KMT2C: variants seen among roughly 807,000 people sequenced by gnomAD.
KMT2C encodes the protein lysine methyltransferase 2C.
In KMT2C, 88 loss-of-function variants were observed where a neutral mutation model predicts 507.9. The ratio of observed to expected loss-of-function variants is 0.17; its 90% confidence interval spans 0.15 to 0.21. The LOEUF is 0.21. KMT2C is among the 10% of genes least tolerant of loss of function. The probability of loss-of-function intolerance (pLI) is 1.00; values close to 1 mark genes in which losing one functional copy is unlikely to be tolerated. For synonymous variants in KMT2C, 2,049 were observed against 2,080.8 expected (o/e 0.98, Z 0.42); for missense variants, 4,954 against 5,957.8 (o/e 0.83, Z 5.55).
At chr7:152,327,013 G>A (rs2096835215) in intron 3 of KMT2C, among the ~76,000 whole-genome samples, 1 of 152,224 alleles carries the variant, frequency 6.6e-6, no homozygotes, top group Admixed American at 6.5e-5. Flanking sequence ...CACCAAGTCT[G>A]TATTTACAGT....
rs1156520106 is a variant in KMT2C at position 152,407,059 on chromosome 7, C to T, written c.161+28567G>A. Among the ~76,000 whole-genome samples the T allele has an allele frequency of 1.2e-4, 18 of 150,216 alleles. No homozygotes were observed. In the East Asian group the frequency reaches 1.4e-3, roughly 12 times the overall value. ...ATTTACTTCTCCAAAGTACAAATTACATCACAAGTAAGCCTCCATGCAATG... is the reference window on the plus strand; with the variant it reads ...ATTTACTTCTCCAAAGTACAAATTATATCACAAGTAAGCCTCCATGCAATG... On this transcript the variant is annotated intron_variant, in intron 1 of 58. Transcript: ENST00000262189.
intron 1 of KMT2C, among the ~76,000 whole-genome samples, chr7:152,388,914 A>C (rs989382330): frequency 6.6e-6 from 1 of 152,164 alleles, no homozygotes; most frequent in Non-Finnish European, 1.5e-5. Flanking sequence ...ATGCACAGCT[A>C]ATTTTGTATT....
chr7:152,184,116 A>G (rs1331860825), intron 34 of KMT2C, among the ~76,000 whole-genome samples: 2 of 148,498 alleles, frequency 1.3e-5, no homozygotes, highest in African/African-American at 4.9e-5. Context: ...AAAATATCCA[A>G]TCAGTCTTAA....
intron 6 of KMT2C, among the ~76,000 whole-genome samples, chr7:152,293,639 C>A (rs956110749): frequency 2.0e-5 from 3 of 152,110 alleles, no homozygotes; most frequent in African/African-American, 7.2e-5. Context: ...TACCACCCAC[C>A]TCATCACAAA....
intron 33 of KMT2C, among the ~76,000 whole-genome samples, 191 bp from the exon 34 acceptor site, chr7:152,185,822 A>T (rs1377760369): frequency 2.0e-4 from 31 of 152,234 alleles, no homozygotes; most frequent in Admixed American, 1.9e-3. Flanking sequence ...ACGTTTTCTA[A>T]ATGAAGTGCT....
chr7:152,417,935 C>T (rs567195182), intron 1 of KMT2C, among the ~76,000 whole-genome samples: 2 of 133,088 alleles, frequency 1.5e-5, no homozygotes, highest in Admixed American at 7.8e-5. Flanking sequence ...AGCCACCGCG[C>T]CCACCCTCTT....
At chr7:152,146,826 T>A in intron 52 of KMT2C, 91 bp from the exon 53 acceptor site, 1 of 1,127,268 alleles carries the variant, frequency 8.9e-7, no homozygotes. Flanking sequence ...CACAAGGATT[T>A]ACTAATTTCC....
chr7:152,207,513 T>G lies in KMT2C; in HGVS notation c.3713-85A>C, dbSNP rs572145429. ...CATAATGGGGAATAAAAAGTAGGGTTGTTGCTGAGCCATTTTAATTGTACA... is the reference window on the plus strand; with the variant it reads ...CATAATGGGGAATAAAAAGTAGGGTGGTTGCTGAGCCATTTTAATTGTACA... On this transcript the variant is annotated intron_variant, in intron 23 of 58. Transcript: ENST00000262189. The G allele has an allele frequency of 1.1e-5, 14 of 1,244,012 alleles. No homozygotes were observed. In the African/African-American group the frequency reaches 1.4e-4, roughly 12 times the overall value. The allele number at this position is 1,244,012 out of a possible 1,614,324, so 77.1% of individuals were successfully genotyped here.
intron 2 of KMT2C, among the ~76,000 whole-genome samples, chr7:152,344,725 C>T (rs906622292): frequency 7.9e-5 from 12 of 151,892 alleles, no homozygotes; most frequent in African/African-American, 2.9e-4. Context: ...TGGTGGCTCA[C>T]GCCTGTAATC....
At chr7:152,175,778 C>T (rs1003359999) in intron 38 of KMT2C, among the ~76,000 whole-genome samples, 8 of 152,160 alleles carry the variant, frequency 5.3e-5, no homozygotes, top group Admixed American at 1.3e-4. Flanking sequence ...GGGTGGCTCA[C>T]GCCTGTAATC....
intron 1 of KMT2C, among the ~76,000 whole-genome samples, chr7:152,391,519 G>A (rs769121858): frequency 2.9e-4 from 43 of 146,454 alleles, no homozygotes; most frequent in Non-Finnish European, 1.3e-4. Flanking sequence ...TGGGATTACA[G>A]ACATGAGCCA....
At chr7:152,335,444 C>A (rs1297748402) in intron 2 of KMT2C, among the ~76,000 whole-genome samples, 1 of 152,124 alleles carries the variant, frequency 6.6e-6, no homozygotes, top group Non-Finnish European at 1.5e-5. Context: ...CAGAAACTTA[C>A]CAACAATGAG....
intron 26 of KMT2C, among the ~76,000 whole-genome samples, chr7:152,202,155 A>T (rs955533022): frequency 6.6e-6 from 1 of 152,242 alleles, no homozygotes. Flanking sequence ...TCAGATGAAT[A>T]GTTGTCTACA....
intron 6 of KMT2C, among the ~76,000 whole-genome samples, chr7:152,297,059 G>GACAGAAAGAA (rs1563767704): frequency 1.4e-4 from 9 of 64,394 alleles, no homozygotes; most frequent in African/African-American, 5.2e-4. Flanking sequence ...GAAAGACAGA[G>GACAGAAAGAA]AGAGAGAGAG....
intron 6 of KMT2C, among the ~76,000 whole-genome samples, chr7:152,274,839 G>A (rs1048266112): frequency 1.3e-4 from 20 of 152,074 alleles, no homozygotes; most frequent in African/African-American, 4.6e-4. Flanking sequence ...TTCAATTGAG[G>A]CACCATACTA....
intron 42 of KMT2C, among the ~76,000 whole-genome samples, chr7:152,166,023 C>T (rs963832405): frequency 6.6e-6 from 1 of 151,974 alleles, no homozygotes; most frequent in African/African-American, 2.4e-5. Context: ...TACAATGAAT[C>T]AGTTTGTAAA....
intron 1 of KMT2C, among the ~76,000 whole-genome samples, chr7:152,364,934 G>C (rs73730051): frequency 0.014 from 1,956 of 138,120 alleles, 40 homozygotes; most frequent in African/African-American, 0.05. Context: ...GAAACAGACA[G>C]ACACACACAC....
intron 2 of KMT2C, among the ~76,000 whole-genome samples, chr7:152,336,480 G>C (rs2096937107): frequency 6.6e-6 from 1 of 152,252 alleles, no homozygotes; most frequent in South Asian, 2.1e-4. Flanking sequence ...GAGATGCTCT[G>C]GATGAAATGG....
At position 152,263,902 on chromosome 7, in the gene KMT2C, C is replaced by T. The variant is rs2360886; in HGVS notation, c.1185-772G>A. Among the ~76,000 whole-genome samples the T allele has an allele frequency of 6.8e-3, 1,039 of 152,102 alleles. 12 individuals carry two copies. The highest frequency in any genetic ancestry group is 0.035 in the South Asian group (167 of 4,814). On this transcript the variant is annotated intron_variant, in intron 8 of 58. Transcript: ENST00000262189. Reference sequence around the variant, plus strand: ...AAATTCAAGAGGAGGGGAAAAGAAACAACAGGGAAAGCAAGAAGAGCTGAG... The same window carrying T: ...AAATTCAAGAGGAGGGGAAAAGAAATAACAGGGAAAGCAAGAAGAGCTGAG...
Sources: allele counts gnomAD v4.1 joint callset (sites outside exome capture counted in the v4.1 genomes callset), GRCh38; gene constraint gnomAD v4.1.1; transcripts MANE v1.5; gene names NCBI Gene and HGNC (gene_info 2026-07-23, HGNC 2026-07-21).